CYFIP1: variants seen among roughly 807,000 people sequenced by gnomAD.
CYFIP1 encodes the protein cytoplasmic FMR1 interacting protein 1.
A neutral mutation model predicts 163.5 loss-of-function variants in CYFIP1; 58 were observed. That is an observed-to-expected ratio of 0.35 (90% CI 0.29 to 0.44). CYFIP1 has a LOEUF of 0.44. CYFIP1 is among the 20% of genes least tolerant of loss of function. The pLI is 1.00. For synonymous variants in CYFIP1, 663 were observed against 660.7 expected (o/e 1.00, Z -0.05); for missense variants, 1,338 against 1,653.8 (o/e 0.81, Z 3.31).
At chr15:22,908,399 G>A (rs957187653) in intron 21 of CYFIP1, among the ~76,000 whole-genome samples, 2 of 151,974 alleles carry the variant, frequency 1.3e-5, no homozygotes, top group Non-Finnish European at 2.9e-5. Context: ...CAGATAACAG[G>A]AGAAGGATTA....
At chr15:22,977,485 T>C (rs1945493235) in intron 1 of CYFIP1, among the ~76,000 whole-genome samples, 4 of 152,190 alleles carry the variant, frequency 2.6e-5, no homozygotes, top group Admixed American at 2.6e-4. Flanking sequence ...TAAATTTTAA[T>C]AGGAAAAACA....
At chr15:22,945,629 A>G (rs147200051) in intron 3 of CYFIP1, among the ~76,000 whole-genome samples, 2,280 of 150,332 alleles carry the variant, frequency 0.015, 81 homozygotes, top group East Asian at 0.099. Context: ...GCTGGAGTGC[A>G]GTGGCACGAT....
At chr15:22,945,196 C>T (rs1167298217) in intron 3 of CYFIP1, among the ~76,000 whole-genome samples, 3 of 152,144 alleles carry the variant, frequency 2.0e-5, no homozygotes, top group South Asian at 2.1e-4. Context: ...GTGCCACAGG[C>T]GTTACACCTT....
intron 13 of CYFIP1, among the ~76,000 whole-genome samples, chr15:22,923,249 A>T (rs1566977153): frequency 6.6e-6 from 1 of 152,174 alleles, no homozygotes; most frequent in Non-Finnish European, 1.5e-5. Context: ...ATGTATAAGG[A>T]ACTGTTACAA....
In CYFIP1 at chr15:22,872,980, C is replaced by G. The variant is rs2059479551; in HGVS notation, c.3450-8G>C. The G allele has an allele frequency of 6.2e-7, 1 of 1,612,850 alleles. No individual in the cohort carries two copies. The highest frequency in any genetic ancestry group is 8.5e-7 in the Non-Finnish European group (1 of 1,179,542). On this transcript the variant is annotated splice_polypyrimidine_tract_variant and splice_region_variant and intron_variant, in intron 29 of 30. Coordinates refer to ENST00000617928, the MANE Select transcript of CYFIP1 (RefSeq NM_014608.6). ...CCATCACCAAAGCACTGCCTAGGAACAAGAAGCAGAAACAGAATGGGAGAT... is the reference window on the plus strand; with the variant it reads ...CCATCACCAAAGCACTGCCTAGGAAGAAGAAGCAGAAACAGAATGGGAGAT...
At chr15:22,903,251 G>A (rs988256749) in intron 22 of CYFIP1, among the ~76,000 whole-genome samples, 5 of 152,188 alleles carry the variant, frequency 3.3e-5, no homozygotes, top group Admixed American at 2.6e-4. Flanking sequence ...GCCACCCGGT[G>A]TGCGGAGCCC....
chr15:22,943,599 TTGC>T (rs1242801919), intron 5 of CYFIP1, among the ~76,000 whole-genome samples: 2 of 152,208 alleles, frequency 1.3e-5, no homozygotes, highest in Non-Finnish European at 2.9e-5. Context: ...TAACAAAATC[TTGC>T]TGATTATTCC....
chr15:22,937,581 T>C (rs886404444), intron 8 of CYFIP1, among the ~76,000 whole-genome samples: 14 of 151,522 alleles, frequency 9.2e-5, no homozygotes, highest in Admixed American at 2.0e-4. Context: ...TTTCGGTGTA[T>C]GCAAACTAAA....
intron 23 of CYFIP1, among the ~76,000 whole-genome samples, chr15:22,891,112 T>TA (rs34792009): frequency 0.8 from 121,408 of 151,130 alleles, 49,020 homozygotes; most frequent in East Asian, 0.94. Flanking sequence ...ATAACATTGC[T>TA]AAAAAAAATA....
intron 12 of CYFIP1, 120 bp downstream of exon 12, chr15:22,927,786 A>T: frequency 2.1e-6 from 2 of 970,354 alleles, no homozygotes; most frequent in African/African-American, 1.7e-5. Context: ...AAACATATCT[A>T]CTGATAGATA....
intron 5 of CYFIP1, among the ~76,000 whole-genome samples, chr15:22,944,076 T>A (rs1302883545): frequency 6.6e-6 from 1 of 151,510 alleles, no homozygotes; most frequent in Non-Finnish European, 1.5e-5. Flanking sequence ...CTGTCTCCAC[T>A]AAAAATACAA....
chr15:22,954,010 C>T (rs367607400), intron 1 of CYFIP1, among the ~76,000 whole-genome samples: 1 of 152,114 alleles, frequency 6.6e-6, no homozygotes, highest in Non-Finnish European at 1.5e-5. Context: ...GAGCCAAGAT[C>T]GCGCCACTGC....
chr15:22,912,804 C>T (rs2060830433), intron 17 of CYFIP1, among the ~76,000 whole-genome samples: 1 of 152,092 alleles, frequency 6.6e-6, no homozygotes, highest in South Asian at 2.1e-4. Flanking sequence ...CGCCTGAGTC[C>T]CAGCTACTTG....
chr15:22,878,388 T>C (rs1438156116), intron 26 of CYFIP1, among the ~76,000 whole-genome samples: 1 of 152,014 alleles, frequency 6.6e-6, no homozygotes, highest in Non-Finnish European at 1.5e-5. Flanking sequence ...CAGGCCGGTG[T>C]GCCCATGAAA....
intron 6 of CYFIP1, among the ~76,000 whole-genome samples, chr15:22,941,824 A>C (rs1196529661): frequency 1.3e-5 from 2 of 152,040 alleles, no homozygotes; most frequent in African/African-American, 2.4e-5. Context: ...AAAAAACAAC[A>C]ACACACACAC....
intron 22 of CYFIP1, among the ~76,000 whole-genome samples, chr15:22,900,740 C>T (rs1389652221): frequency 2.0e-5 from 3 of 151,776 alleles, no homozygotes; most frequent in Non-Finnish European, 4.4e-5. Flanking sequence ...ATGGTGGAGA[C>T]GGCCCCAGGA....
intron 6 of CYFIP1, among the ~76,000 whole-genome samples, chr15:22,939,809 C>T (rs556888295): frequency 2.0e-5 from 3 of 152,140 alleles, no homozygotes; most frequent in Non-Finnish European, 4.4e-5. Flanking sequence ...CTGCCCTATA[C>T]TGGTGGACGC....
At chr15:22,937,559 T>G (rs1164465534) in intron 8 of CYFIP1, among the ~76,000 whole-genome samples, 1 of 152,074 alleles carries the variant, frequency 6.6e-6, no homozygotes, top group African/African-American at 2.4e-5. Context: ...CAGCCACATG[T>G]AACCAGTTAA....
rs1595474042 is a variant in CYFIP1, at chr15:22,869,866, G to A, written c.*162C>T. ...ATTACCAAAAGCATATACAATTTTA[G>A]TCTAGAAAAATAAGTCAATTTTATA... On this transcript the variant is annotated 3_prime_UTR_variant, in exon 31 of 31. Coordinates refer to ENST00000617928, the MANE Select transcript of CYFIP1 (RefSeq NM_014608.6). 1.8e-6 allele frequency: 1 copy of A among 564,152 alleles called. No homozygotes were observed. Among genetic ancestry groups the A allele is most frequent in the Non-Finnish European group, 2.8e-6 (1 of 362,554 alleles). The allele number at this position is 564,152 out of a possible 1,614,324, so 34.9% of individuals were successfully genotyped here. A position where few individuals can be genotyped will look rare whatever the true frequency, so the allele number is the denominator to read the frequency against.
Sources: allele counts gnomAD v4.1 joint callset (sites outside exome capture counted in the v4.1 genomes callset), GRCh38; gene constraint gnomAD v4.1.1; transcripts MANE v1.5; gene names NCBI Gene and HGNC (gene_info 2026-07-23, HGNC 2026-07-21).